The following FBRSL1 variants were observed in gnomAD, a reference collection of about 807,000 sequenced individuals.
The protein encoded by FBRSL1 is fibrosin like 1.
In FBRSL1, 51 loss-of-function variants were observed where a neutral mutation model predicts 89.6. The ratio of observed to expected loss-of-function variants is 0.57; its 90% CI spans 0.45 to 0.72. The LOEUF (loss-of-function observed/expected upper bound fraction) is 0.72, where lower values mean the gene tolerates loss of function less well. FBRSL1 is among the 30% of genes least tolerant of loss of function. FBRSL1 has a pLI of 0.00. For synonymous variants in FBRSL1, 779 were observed against 681.1 expected, an observed-to-expected ratio of 1.14 and a Z score of -2.24; for missense variants, 1,618 against 1,451.8, an observed-to-expected ratio of 1.11 and a Z score of -1.86.
At chr12:132,560,972 A>C (rs1374381689) in intron 5 of FBRSL1, among the ~76,000 whole-genome samples, 8 of 152,210 alleles carry the variant, frequency 5.3e-5, no homozygotes, top group African/African-American at 1.9e-4. Context: ...GAAGGGAAAG[A>C]GCTGAGGGAC....
At chr12:132,574,267 G>A (rs2040237140) in intron 12 of FBRSL1, 52 bp from the exon 13 acceptor site, 1 of 1,479,392 alleles carries the variant, frequency 6.8e-7, no homozygotes, top group African/African-American at 1.4e-5. Flanking sequence ...GCACCCCCAG[G>A]ACTCAGCCTC....
chr12:132,538,819 T>C (rs4883520), intron 4 of FBRSL1, among the ~76,000 whole-genome samples: 115,257 of 152,200 alleles, frequency 0.76, 44,337 homozygotes, highest in African/African-American at 0.91. Context: ...AGTAAGCAAA[T>C]ATAGCATTTT....
intron 1 of FBRSL1, among the ~76,000 whole-genome samples, chr12:132,493,516 G>A (rs140658696): frequency 1.4e-3 from 220 of 152,300 alleles, no homozygotes; most frequent in East Asian, 6.2e-3. Flanking sequence ...CCTGGCCCCT[G>A]GGGCAGACCC....
rs764587043 is a variant in FBRSL1, at chr12:132,574,618, C to T, written c.1701+54C>T. 791 of 1,528,604 alleles carry T rather than the reference C, an allele frequency of 5.2e-4. 6 individuals are homozygous for T. The highest frequency in any genetic ancestry group is 4.2e-4 in the South Asian group (34 of 80,498). The allele number at this position is 1,528,604 out of a possible 1,614,324, so 94.7% of individuals were successfully genotyped here. The stretch of plus-strand genomic sequence containing the variant: ...CTTGTGAACCCGACTCCAGCCTGGT[C>T]GGGCCCTGAAGGCCAGGCATGAGGC... On this transcript the variant is annotated intron_variant, in intron 14 of 18. Coordinates refer to ENST00000680143, the MANE Select transcript of FBRSL1 (RefSeq NM_001367871.1).
chr12:132,490,843 C>A lies in FBRSL1; in HGVS notation c.273C>A (p.Ser91Arg), dbSNP rs1400529049. Residue 91 changes from serine to arginine, a missense_variant, in exon 1 of 19, where the codon AGC becomes AGA. Ser to Arg is a moderately radical substitution (Grantham distance 110). Transcript: ENST00000680143. ...VIDGFAIASF[S>R]TLEALEKDMA... ...ACGGCTTCGCCATCGCCAGCTTCAG[C>A]ACCCTGGAGGCCCTGGAGGTAGGTG... The A allele has an allele frequency of 7.1e-7, 1 of 1,417,126 alleles. No homozygotes were observed. Among genetic ancestry groups the A allele is most frequent in the South Asian group, 1.4e-5 (1 of 70,092 alleles). 87.8% of individuals were successfully genotyped at this position (1,417,126 alleles called of 1,614,324 possible).
intron 5 of FBRSL1, among the ~76,000 whole-genome samples, chr12:132,566,928 C>G (rs1445563455): frequency 6.6e-6 from 1 of 152,172 alleles, no homozygotes; most frequent in African/African-American, 2.4e-5. Context: ...TGGAGCTCAG[C>G]CGGCCCGGGA....
chr12:132,573,888 C>A (rs901024000), intron 11 of FBRSL1, among the ~76,000 whole-genome samples: 91 of 152,202 alleles, frequency 6.0e-4, no homozygotes, highest in African/African-American at 2.2e-3. Context: ...GCAAGAGCAC[C>A]TGCTTCCCAC....
Position 132,581,795 on chromosome 12 carries a change from C to G in FBRSL1, c.1967C>G (p.Ala656Gly). 1.3e-6 allele frequency: 2 copies of G among 1,548,996 alleles called. No individual in the cohort carries two copies. Reference sequence around the variant, plus strand: ...GGCCTGGGCAGCCTGAGCAGCCACGCCTTTGGGGGCCTGGGCAGCCATGCA... The same window carrying G: ...GGCCTGGGCAGCCTGAGCAGCCACGGCTTTGGGGGCCTGGGCAGCCATGCA... ...FGGLGSLSSH[A>G]FGGLGSHALA... The change falls in exon 17 of 19, where the codon GCC (alanine) becomes GGC (glycine). Residue 656 changes from alanine to glycine, a missense_variant. By Grantham distance (60) the Ala-to-Gly change is moderately conservative. Coordinates refer to ENST00000680143, the MANE Select transcript of FBRSL1 (RefSeq NM_001367871.1).
At chr12:132,581,863 GC>G (rs199976653) in intron 17 of FBRSL1, 39 bp downstream of exon 17, 60,059 of 1,255,422 alleles carry the variant, frequency 0.048, 1,367 homozygotes, top group Non-Finnish European at 0.053. Context: ...CCCGATGCCC[GC>G]GCCCCTCCCC....
intron 5 of FBRSL1, among the ~76,000 whole-genome samples, chr12:132,560,419 G>C (rs2039016608): frequency 6.6e-6 from 1 of 151,942 alleles, no homozygotes; most frequent in Non-Finnish European, 1.5e-5. Flanking sequence ...GCGGGCGGGG[G>C]TGCGGCGCGG....
Position 132,523,736 on chromosome 12 carries a change from C to T in FBRSL1, c.490-1998C>T, listed in dbSNP as rs532300060. On this transcript the variant is annotated intron_variant, in intron 2 of 18. Transcript: ENST00000680143. ...TGGGGCCATCGCCAATGGTCAGACT[C>T]CCCAGGGGGCCGGTGATACACGGTT... Among the ~76,000 whole-genome samples the T allele has an allele frequency of 3.9e-5, 6 of 152,354 alleles. No individual in the cohort carries two copies. In the East Asian group the frequency reaches 9.6e-4, roughly 24 times the overall value.
chr12:132,550,562 CGT>C (rs2038074514), intron 5 of FBRSL1, among the ~76,000 whole-genome samples: 1 of 152,136 alleles, frequency 6.6e-6, no homozygotes, highest in African/African-American at 2.4e-5. Context: ...TCAGCCTGTC[CGT>C]CTGTGTGACC....
rs1329869392 is a variant in FBRSL1, at chr12:132,583,234, A to G, written c.2465A>G (p.Glu822Gly). The G allele has an allele frequency of 4.3e-5, 60 of 1,379,480 alleles. No homozygotes were observed. Among genetic ancestry groups the G allele is most frequent in the Non-Finnish European group, 5.4e-5 (58 of 1,065,616 alleles). The allele number at this position is 1,379,480 out of a possible 1,614,324, so 85.5% of individuals were successfully genotyped here. A position where few individuals can be genotyped will look rare whatever the true frequency, so the allele number is the denominator to read the frequency against. The stretch of plus-strand genomic sequence containing the variant: ...GTCAAGGAGGAGCGCGGGGAGGACG[A>G]GGCCTCCGAGCCCCCGGCGGGCGGC... ...VKVKEERGEDEASEPPAGGLH... is the reference protein window; with the variant it reads ...VKVKEERGEDGASEPPAGGLH... Residue 822 changes from glutamate to glycine, a missense_variant, in exon 19 of 19, where the codon GAG becomes GGG. Coordinates refer to ENST00000680143, the MANE Select transcript of FBRSL1 (RefSeq NM_001367871.1).
chr12:132,549,404 C>G (rs1052240633), intron 5 of FBRSL1, among the ~76,000 whole-genome samples: 2 of 152,348 alleles, frequency 1.3e-5, no homozygotes, highest in Non-Finnish European at 2.9e-5. Context: ...CTGCCCACAG[C>G]TTCCGCGCCC....
intron 15 of FBRSL1, among the ~76,000 whole-genome samples, chr12:132,577,699 C>T (rs1196949723): frequency 6.6e-6 from 1 of 152,082 alleles, no homozygotes; most frequent in Non-Finnish European, 1.5e-5. Flanking sequence ...CCTCCAGGCA[C>T]GCAGAGGCAC....
intron 5 of FBRSL1, among the ~76,000 whole-genome samples, chr12:132,560,610 CAGGCTGCGCCGCGTGTCTGGCCG>C (rs941496782): frequency 3.3e-5 from 5 of 152,154 alleles, no homozygotes; most frequent in East Asian, 1.9e-4. Flanking sequence ...GCGGCTGGCC[CAGGCTGCGCCGCGTGTCTGGCCG>C]AGGCTGCTCC....
intron 1 of FBRSL1, among the ~76,000 whole-genome samples, chr12:132,494,547 G>C (rs1304258214): frequency 2.0e-5 from 3 of 152,240 alleles, no homozygotes; most frequent in Non-Finnish European, 2.9e-5. Context: ...ATGGTGCTCT[G>C]GGCTGCGCCT....
At chr12:132,581,914 A>ACCT (rs1017384413) in intron 17 of FBRSL1, 90 bp downstream of exon 17, 1 of 1,333,252 alleles carries the variant, frequency 7.5e-7, no homozygotes, top group African/African-American at 1.5e-5. Flanking sequence ...TGCCTGGCTG[A>ACCT]CCTCCCTCCT....
At chr12:132,562,062 C>T (rs1376468762) in intron 5 of FBRSL1, among the ~76,000 whole-genome samples, 1 of 152,210 alleles carries the variant, frequency 6.6e-6, no homozygotes, top group Non-Finnish European at 1.5e-5. Context: ...TGCACAGGCC[C>T]CTTCACTATT....
Sources: gnomAD v4.1 joint callset for allele counts (sites outside exome capture counted in the v4.1 genomes callset) on GRCh38, gnomAD v4.1.1 for gene constraint, MANE v1.5 for transcripts, NCBI Gene and HGNC (gene_info 2026-07-23, HGNC 2026-07-21) for gene names.